Variants in CSRP3 observed in about 807,000 individuals in gnomAD.
CSRP3 encodes the protein cysteine and glycine-rich protein 3.
A neutral mutation model predicts 24.3 loss-of-function variants in CSRP3; 24 were observed. That is an observed-to-expected ratio of 0.99 (90% CI 0.71 to 1.39). The LOEUF is 1.39. Among genes scored for constraint, CSRP3 ranks in the 40% most tolerant of loss-of-function variants. The pLI is 0.00. For synonymous variants in CSRP3, 105 were observed against 94.0 expected (o/e 1.12, Z -0.68); for missense variants, 240 against 249.0 (o/e 0.96, Z 0.24).
At chr11:19,197,566 T>TCTTTCTTTCTTTCTTTCTTG in intron 1 of CSRP3, among the ~76,000 whole-genome samples, 1 of 144,744 alleles carries the variant, frequency 6.9e-6, no homozygotes, top group East Asian at 2.1e-4. Flanking sequence ...TTTCTTTCTT[T>TCTTTCTTTCTTTCTTTCTTG]CTTTCTTTCT....
At chr11:19,183,813 A>C (rs944140098) in intron 5 of CSRP3, among the ~76,000 whole-genome samples, 1 of 152,128 alleles carries the variant, frequency 6.6e-6, no homozygotes, top group Non-Finnish European at 1.5e-5. Context: ...CCTAAATCTC[A>C]TCTTGATTAG....
intron 1 of CSRP3, among the ~76,000 whole-genome samples, chr11:19,193,387 A>G (rs983081230): frequency 1.3e-5 from 2 of 152,216 alleles, no homozygotes; most frequent in African/African-American, 4.8e-5. Context: ...TGGTGCTGAC[A>G]TGTCCTCCTG....
At chr11:19,185,140 A>G (rs1850504346) in intron 4 of CSRP3, 95 bp from the exon 5 acceptor site, 1 of 918,494 alleles carries the variant, frequency 1.1e-6, no homozygotes, top group African/African-American at 1.6e-5. Context: ...GAGGAGTGAC[A>G]CGTCTTAACC....
chr11:19,190,154 A>G (rs1395156482), intron 2 of CSRP3, among the ~76,000 whole-genome samples: 1 of 152,256 alleles, frequency 6.6e-6, no homozygotes, highest in East Asian at 1.9e-4. Flanking sequence ...ATTATACAAT[A>G]GTAAGTTGCA....
At chr11:19,198,337 T>A (rs532674412) in intron 1 of CSRP3, among the ~76,000 whole-genome samples, 26 of 152,314 alleles carry the variant, frequency 1.7e-4, no homozygotes, top group Admixed American at 4.6e-4. Flanking sequence ...GACTTCCCAG[T>A]TGATGGGAAT....
chr11:19,198,706 A>C (rs955168554), intron 1 of CSRP3, among the ~76,000 whole-genome samples: 1 of 148,026 alleles, frequency 6.8e-6, no homozygotes, highest in Non-Finnish European at 1.5e-5. Flanking sequence ...AAGAAAGATG[A>C]CATAGCCACA....
chr11:19,191,462 C>A lies in CSRP3; in HGVS notation c.112+875G>T, dbSNP rs540483476. Among the ~76,000 whole-genome samples, 44 of 152,246 alleles carry A rather than the reference C, an allele frequency of 2.9e-4. 1 individual carries two copies. Among genetic ancestry groups the A allele is most frequent in the Non-Finnish European group, 4.7e-4 (32 of 68,018 alleles). On this transcript the variant is annotated intron_variant, in intron 2 of 5. Transcript: ENST00000265968. ...TAGCCCTTAAGCCAGACCTCCTGGA[C>A]AGAAGCAGAGAAGATAAGTGGCCAT...
intron 1 of CSRP3, among the ~76,000 whole-genome samples, chr11:19,199,362 G>A (rs926684984): frequency 1.3e-5 from 2 of 152,210 alleles, no homozygotes; most frequent in Non-Finnish European, 2.9e-5. Flanking sequence ...AAATAAACCT[G>A]AGTGTTGGCT....
Position 19,182,619 on chromosome 11 carries a change from A to C in CSRP3, c.*51T>G. On this transcript the variant is annotated 3_prime_UTR_variant, in exon 6 of 6. Transcript: ENST00000265968. Reference sequence around the variant, plus strand: ...GAAAGGTATCGATCTGTGCAGGATTACTTGGCAAGTGTTTTAGGCTCGCAA... The same window carrying C: ...GAAAGGTATCGATCTGTGCAGGATTCCTTGGCAAGTGTTTTAGGCTCGCAA... 1.4e-6 allele frequency: 2 copies of C among 1,397,876 alleles called. No homozygotes were observed. The highest frequency in any genetic ancestry group is 2.0e-6 in the Non-Finnish European group (2 of 982,310). The allele number at this position is 1,397,876 out of a possible 1,614,324, so 86.6% of individuals were successfully genotyped here.
chr11:19,184,876 G>T, intron 5 of CSRP3, 76 bp downstream of exon 5: 1 of 1,108,292 alleles, frequency 9.0e-7, no homozygotes, highest in Non-Finnish European at 1.4e-6. Context: ...AAGACCTCCA[G>T]GCATGAACGT....
At chr11:19,193,550 G>A (rs1389280823) in intron 1 of CSRP3, among the ~76,000 whole-genome samples, 4 of 152,280 alleles carry the variant, frequency 2.6e-5, no homozygotes, top group African/African-American at 7.2e-5. Flanking sequence ...GTAGAGACGG[G>A]GTTTCACCAT....
intron 1 of CSRP3, among the ~76,000 whole-genome samples, chr11:19,201,149 A>AAAG (rs10622704): frequency 0.097 from 14,756 of 152,260 alleles, 886 homozygotes; most frequent in Middle Eastern, 0.15. Context: ...GATATTTTAA[A>AAAG]AAGTCCTTGA....
chr11:19,184,855 G>T, intron 5 of CSRP3, 97 bp downstream of exon 5: 1 of 930,402 alleles, frequency 1.1e-6, no homozygotes. Flanking sequence ...ATACCTCCTG[G>T]AAGACACGGG....
intron 1 of CSRP3, among the ~76,000 whole-genome samples, chr11:19,197,402 C>T (rs1850743902): frequency 1.9e-5 from 1 of 52,746 alleles, no homozygotes; most frequent in East Asian, 4.9e-4. Context: ...TCCTTCCTTC[C>T]TTCCTTCCTT....
intron 1 of CSRP3, among the ~76,000 whole-genome samples, chr11:19,194,045 G>A (rs1163443018): frequency 6.6e-6 from 1 of 152,146 alleles, no homozygotes; most frequent in East Asian, 1.9e-4. Flanking sequence ...CAGCCATTCT[G>A]AGTGGCTGCT....
At chr11:19,199,073 C>G (rs1346628164) in intron 1 of CSRP3, among the ~76,000 whole-genome samples, 1 of 152,196 alleles carries the variant, frequency 6.6e-6, no homozygotes, top group African/African-American at 2.4e-5. Flanking sequence ...TGTGAATCAG[C>G]TTTGTTTTTC....
intron 1 of CSRP3, among the ~76,000 whole-genome samples, chr11:19,197,511 C>CTTTCTTTCTTTCTTTCTTTT (rs1850751320): frequency 1.0e-5 from 1 of 100,434 alleles, no homozygotes; most frequent in South Asian, 4.4e-4. Context: ...CTCTTTCTTT[C>CTTTCTTTCTTTCTTTCTTTT]TTTCTTTCTT....
At chr11:19,197,540 T>TTTCTTTC (rs1565055611) in intron 1 of CSRP3, among the ~76,000 whole-genome samples, 2 of 138,000 alleles carry the variant, frequency 1.4e-5, no homozygotes, top group Non-Finnish European at 3.1e-5. Flanking sequence ...TCTTTCTTTC[T>TTTCTTTC]TTCTTTCTTT....
intron 5 of CSRP3, among the ~76,000 whole-genome samples, chr11:19,183,208 A>C (rs1850467936): frequency 6.6e-6 from 1 of 152,204 alleles, no homozygotes; most frequent in South Asian, 2.1e-4. Flanking sequence ...TTTTAAAATA[A>C]ATTTAACAAT....
Sources: allele counts gnomAD v4.1 joint callset (sites outside exome capture counted in the v4.1 genomes callset), GRCh38; gene constraint gnomAD v4.1.1; transcripts MANE v1.5; gene names NCBI Gene and HGNC (gene_info 2026-07-23, HGNC 2026-07-21).